The following GFI1B variants were observed in gnomAD, a reference collection of about 807,000 sequenced individuals.
GFI1B encodes zinc finger protein Gfi-1b.
GFI1B carries 20 observed loss-of-function variants against 35.3 expected under a neutral mutation model. The ratio of observed to expected loss-of-function variants is 0.57; its 90% CI spans 0.40 to 0.82. The LOEUF is 0.82. GFI1B is among the 40% of genes least tolerant of loss of function. GFI1B has a pLI of 0.00. For missense variants in GFI1B, 430 were observed against 446.3 expected, an observed-to-expected ratio of 0.96 and a Z score of 0.33; for synonymous variants, 178 against 177.6, an observed-to-expected ratio of 1.00 and a Z score of -0.02.
chr9:132,992,437 T>C (rs370746616), downstream of GFI1B, among the ~76,000 whole-genome samples: 137 of 152,262 alleles, frequency 9.0e-4, 4 homozygotes, highest in South Asian at 0.027. Flanking sequence ...CACACCTGTC[T>C]AGCTGTGTGA....
At chr9:132,962,200 C>G (rs962923930) in intron 1 of GFI1B, among the ~76,000 whole-genome samples, 2 of 147,248 alleles carry the variant, frequency 1.4e-5, no homozygotes, top group Non-Finnish European at 3.0e-5. Flanking sequence ...TACAGTGGTA[C>G]CATCTCAGCT....
At position 132,989,116 on chromosome 9, in the gene GFI1B, C is replaced by T. The variant is rs1181677415; in HGVS notation, c.566C>T (p.Thr189Ile). The change falls in exon 5 of 7, where the codon ACC (threonine) becomes ATC (isoleucine). Residue 189 changes from threonine (T) to isoleucine (I), a missense_variant. Transcript: ENST00000372122. The surrounding 1 kb of genome is among the most constrained non-coding windows in gnomAD (Gnocchi z 6.2). Reference protein sequence around the residue: ...EVHVRRSHSGTRPFACDICGK... With the variant: ...EVHVRRSHSGIRPFACDICGK... Reference sequence around the variant, plus strand: ...CATGTGCGACGCTCCCATAGTGGGACCCGGCCCTTCGCCTGTGACATCTGC... The same window carrying T: ...CATGTGCGACGCTCCCATAGTGGGATCCGGCCCTTCGCCTGTGACATCTGC... 1 of 1,613,744 alleles carries T rather than the reference C, an allele frequency of 6.2e-7. No homozygotes were observed. Among genetic ancestry groups the T allele is most frequent in the Non-Finnish European group, 8.5e-7 (1 of 1,179,734 alleles).
intron 1 of GFI1B, among the ~76,000 whole-genome samples, chr9:132,979,177 G>C (rs1848723337): frequency 6.6e-6 from 1 of 151,444 alleles, no homozygotes; most frequent in African/African-American, 2.4e-5. Flanking sequence ...ACACTTCCAA[G>C]TGCCTGAGTT....
intron 1 of GFI1B, among the ~76,000 whole-genome samples, chr9:132,958,449 C>T (rs895672431): frequency 2.0e-5 from 3 of 152,082 alleles, no homozygotes; most frequent in African/African-American, 7.2e-5. Context: ...AAAGCAGGCA[C>T]GTCACATAGA....
At chr9:132,962,576 C>T in intron 1 of GFI1B, 1 of 514,894 alleles carries the variant, frequency 1.9e-6, no homozygotes, top group Non-Finnish European at 4.0e-6. Flanking sequence ...AAAAATCATC[C>T]CATTTCCCAG....
chr9:132,979,251 T>A (rs1221918805), intron 1 of GFI1B, among the ~76,000 whole-genome samples: 1 of 66,956 alleles, frequency 1.5e-5, no homozygotes, highest in South Asian at 7.5e-4. Flanking sequence ...GGACACTTTT[T>A]TTTTTTTTTT....
At chr9:132,980,758 TCA>T (rs1341534294) in intron 1 of GFI1B, among the ~76,000 whole-genome samples, 1 of 152,226 alleles carries the variant, frequency 6.6e-6, no homozygotes, top group East Asian at 1.9e-4. Context: ...ATATAAGGAA[TCA>T]CACAGTATTT....
chr9:132,979,921 T>C (rs1355096486), intron 1 of GFI1B, among the ~76,000 whole-genome samples: 1 of 152,168 alleles, frequency 6.6e-6, no homozygotes, highest in African/African-American at 2.4e-5. Flanking sequence ...TGGTAGATAT[T>C]AGAAGCCAGC....
chr9:132,990,333 A>T (rs1339336920), intron 6 of GFI1B, among the ~76,000 whole-genome samples: 1 of 148,482 alleles, frequency 6.7e-6, no homozygotes, highest in East Asian at 2.0e-4. Flanking sequence ...TCAGTCATTC[A>T]TTCATTTGTT....
chr9:132,959,489 G>A (rs1405029757), intron 1 of GFI1B, among the ~76,000 whole-genome samples: 1 of 152,228 alleles, frequency 6.6e-6, no homozygotes, highest in Non-Finnish European at 1.5e-5. Flanking sequence ...GGACAGTCCA[G>A]TGAGAGACAC....
At chr9:132,986,817 G>A (rs1044158296) in intron 2 of GFI1B, 39 bp downstream of exon 2, 7 of 1,261,144 alleles carry the variant, frequency 5.6e-6, no homozygotes, top group Middle Eastern at 2.1e-4. Flanking sequence ...TGCACCCACG[G>A]GGGGCTCTCT....
intron 1 of GFI1B, among the ~76,000 whole-genome samples, chr9:132,947,822 A>C (rs1033547482): frequency 4.0e-5 from 6 of 151,484 alleles, no homozygotes; most frequent in Non-Finnish European, 8.8e-5. Context: ...AAAAAAAAAA[A>C]AAAAAAAACT....
Position 132,989,342 on chromosome 9 carries a change from G to C in GFI1B, c.648+144G>C, listed in dbSNP as rs1269768363. 3 of 771,084 alleles carry C rather than the reference G, an allele frequency of 3.9e-6. No homozygotes were observed. Among genetic ancestry groups the C allele is most frequent in the African/African-American group, 3.4e-5 (2 of 58,512 alleles). 47.8% of individuals were successfully genotyped at this position (771,084 alleles called of 1,614,324 possible). A position where few individuals can be genotyped will look rare whatever the true frequency, so the allele number is the denominator to read the frequency against. On this transcript the variant is annotated intron_variant, in intron 5 of 6. Coordinates refer to ENST00000372122, the MANE Select transcript of GFI1B (RefSeq NM_001377304.1). This position sits in a 1 kb window ranked among gnomAD's most constrained non-coding sequence, Gnocchi z 6.2. ...GGGGTCCCCTAGTACCCACCTCCCTGGGTCTGGGTCTCCAACACCTGCCCT... is the reference window on the plus strand; with the variant it reads ...GGGGTCCCCTAGTACCCACCTCCCTCGGTCTGGGTCTCCAACACCTGCCCT...
upstream of GFI1B, among the ~76,000 whole-genome samples, chr9:132,977,239 G>A (rs914723917): frequency 2.6e-5 from 4 of 152,146 alleles, no homozygotes; most frequent in Non-Finnish European, 4.4e-5. Flanking sequence ...GATTACAGGC[G>A]TGAACCACTG....
upstream of GFI1B, among the ~76,000 whole-genome samples, chr9:132,974,067 A>G (rs11243964): frequency 0.056 from 8,580 of 152,298 alleles, 358 homozygotes; most frequent in East Asian, 0.17. Context: ...TAAAGTGGGT[A>G]GAGATCATGG....
intron 1 of GFI1B, among the ~76,000 whole-genome samples, chr9:132,983,796 C>T (rs749910798): frequency 2.0e-5 from 3 of 152,244 alleles, no homozygotes; most frequent in Non-Finnish European, 4.4e-5. Flanking sequence ...GGGCACTGCC[C>T]AGCACTTGGC....
intron 1 of GFI1B, among the ~76,000 whole-genome samples, chr9:132,982,408 G>A (rs1470226215): frequency 2.6e-5 from 4 of 152,336 alleles, no homozygotes; most frequent in African/African-American, 9.6e-5. Flanking sequence ...AGTCCAACTG[G>A]AAGTTAGGGT....
chr9:132,991,201 C>T lies in GFI1B; in HGVS notation c.*151C>T, dbSNP rs1235829022. ...TGAGACTCATGAAATTGCTGTGTGA[C>T]CTTGGGCAAGTCACTTACCCTGTCT... On this transcript the variant is annotated 3_prime_UTR_variant, in exon 7 of 7. Transcript: ENST00000372122. 1 of 719,048 alleles carries T rather than the reference C, an allele frequency of 1.4e-6. No individual in the cohort carries two copies. The highest frequency in any genetic ancestry group is 1.7e-5 in the African/African-American group (1 of 57,232). The allele number at this position is 719,048 out of a possible 1,614,324, so 44.5% of individuals were successfully genotyped here.
At chr9:132,955,291 AT>A (rs1000581543) in intron 1 of GFI1B, among the ~76,000 whole-genome samples, 37 of 151,510 alleles carry the variant, frequency 2.4e-4, no homozygotes, top group African/African-American at 6.8e-4. Flanking sequence ...TTCTTTCAGC[AT>A]TTTTTCTTTT....
Sources: allele counts gnomAD v4.1 joint callset (sites outside exome capture counted in the v4.1 genomes callset), GRCh38; gene constraint gnomAD v4.1.1; non-coding constraint Gnocchi (gnomAD v3.1); transcripts MANE v1.5; gene names NCBI Gene and HGNC (gene_info 2026-07-23, HGNC 2026-07-21).